The following AK5 variants were observed in gnomAD, a reference collection of about 807,000 sequenced individuals.
AK5 encodes the protein adenylate kinase 5.
AK5 carries 27 observed loss-of-function variants against 69.5 expected under a neutral mutation model. The observed-to-expected ratio is 0.39, with a 90% CI of 0.29 to 0.54. The LOEUF (loss-of-function observed/expected upper bound fraction) is 0.54. Ranked by LOEUF, AK5 falls within the 20% of genes least tolerant of loss-of-function variation. The probability of loss-of-function intolerance (pLI) is 0.71; values close to 1 mark genes in which losing one functional copy is unlikely to be tolerated. For missense variants in AK5, 531 were observed against 700.4 expected (o/e 0.76, Z 2.73); for synonymous variants, 260 against 244.4 (o/e 1.06, Z -0.60).
chr1:77,450,660 C>T (rs180946016), intron 8 of AK5, among the ~76,000 whole-genome samples: 33 of 152,302 alleles, frequency 2.2e-4, no homozygotes, highest in African/African-American at 7.9e-4. Context: ...AATAACTATC[C>T]TCAACAACCT....
intron 6 of AK5, among the ~76,000 whole-genome samples, chr1:77,376,454 A>AC (rs1327459270): frequency 2.1e-5 from 3 of 144,972 alleles, no homozygotes; most frequent in Admixed American, 7.2e-5. Context: ...AAAAAAACAA[A>AC]AAAAAAAAAC....
At chr1:77,371,173 T>C (rs761100768) in intron 6 of AK5, among the ~76,000 whole-genome samples, 4 of 152,194 alleles carry the variant, frequency 2.6e-5, no homozygotes, top group Non-Finnish European at 4.4e-5. Flanking sequence ...TAGGCTCTGA[T>C]TCATGGTAAT....
At chr1:77,289,010 C>T (rs753144048) in intron 2 of AK5, among the ~76,000 whole-genome samples, 1 of 152,006 alleles carries the variant, frequency 6.6e-6, no homozygotes, top group African/African-American at 2.4e-5. Context: ...TTTATTTGAC[C>T]CTTAGAAACC....
intron 8 of AK5, among the ~76,000 whole-genome samples, chr1:77,449,240 G>C (rs1225423544): frequency 1.3e-5 from 2 of 152,212 alleles, no homozygotes; most frequent in Non-Finnish European, 2.9e-5. Flanking sequence ...GGTATACCCT[G>C]CAAAGCCACA....
intron 8 of AK5, among the ~76,000 whole-genome samples, chr1:77,456,922 A>T (rs1304104196): frequency 1.4e-5 from 1 of 73,900 alleles, no homozygotes. Context: ...TAGTTTCCTT[A>T]AAAAAAAAAA....
intron 6 of AK5, among the ~76,000 whole-genome samples, chr1:77,385,116 T>C (rs924569806): frequency 3.9e-5 from 6 of 152,288 alleles, no homozygotes; most frequent in African/African-American, 1.4e-4. Flanking sequence ...TCTGACTTCA[T>C]GAAGGTAAAT....
At chr1:77,345,619 C>T (rs1661875844) in intron 6 of AK5, among the ~76,000 whole-genome samples, 1 of 152,192 alleles carries the variant, frequency 6.6e-6, no homozygotes, top group South Asian at 2.1e-4. Flanking sequence ...TCATCACAAA[C>T]CAGCATCAGT....
chr1:77,550,662 T>C (rs982654673), intron 13 of AK5, among the ~76,000 whole-genome samples: 1 of 152,234 alleles, frequency 6.6e-6, no homozygotes, highest in Non-Finnish European at 1.5e-5. Flanking sequence ...TTTAGTAAAT[T>C]GGTTCTTTTC....
chr1:77,403,419 T>G (rs1389839857), intron 6 of AK5, among the ~76,000 whole-genome samples: 3 of 152,254 alleles, frequency 2.0e-5, no homozygotes, highest in Admixed American at 1.3e-4. Flanking sequence ...CTAGGGTTTT[T>G]ATGGTTTTAG....
At chr1:77,479,257 T>C (rs958454738) in intron 8 of AK5, among the ~76,000 whole-genome samples, 1 of 138,346 alleles carries the variant, frequency 7.2e-6, no homozygotes, top group Non-Finnish European at 1.5e-5. Context: ...CAGGCTGGAG[T>C]GCAGTGGCAT....
chr1:77,408,111 T>C (rs971713246), intron 6 of AK5, among the ~76,000 whole-genome samples: 15 of 152,202 alleles, frequency 9.9e-5, no homozygotes, highest in African/African-American at 3.6e-4. Flanking sequence ...ATTTGTCTTT[T>C]TAGTAGAATG....
intron 12 of AK5, chr1:77,531,997 G>GCCGGCCGT (rs987405605): frequency 7.2e-6 from 1 of 138,632 alleles, no homozygotes; most frequent in Non-Finnish European, 1.7e-5. Flanking sequence ...CATCCGGCCG[G>GCCGGCCGT]CCGGCCGGCC....
chr1:77,396,088 A>C (rs1286506374), intron 6 of AK5, among the ~76,000 whole-genome samples: 2 of 152,212 alleles, frequency 1.3e-5, no homozygotes, highest in Non-Finnish European at 2.9e-5. Flanking sequence ...GATGGCAGGT[A>C]ATCTCTTTTT....
chr1:77,552,894 GC>G (rs961490190), intron 13 of AK5, among the ~76,000 whole-genome samples: 3 of 152,068 alleles, frequency 2.0e-5, no homozygotes, highest in African/African-American at 7.2e-5. Flanking sequence ...CAAAAAATTA[GC>G]TGGGCATGGG....
At chr1:77,438,175 G>A (rs770973734) in intron 8 of AK5, among the ~76,000 whole-genome samples, 13 of 151,142 alleles carry the variant, frequency 8.6e-5, no homozygotes, top group Non-Finnish European at 1.9e-4. Flanking sequence ...GCAAAATTAG[G>A]TTATTTTAAT....
intron 6 of AK5, among the ~76,000 whole-genome samples, chr1:77,376,464 CAT>C (rs1340480059): frequency 8.2e-5 from 7 of 85,262 alleles, no homozygotes; most frequent in South Asian, 3.9e-4. Flanking sequence ...AAAAAAAAAA[CAT>C]GTCTTACTTT....
chr1:77,378,324 A>G (rs1032762800), intron 6 of AK5, among the ~76,000 whole-genome samples: 1 of 152,130 alleles, frequency 6.6e-6, no homozygotes, highest in African/African-American at 2.4e-5. Flanking sequence ...GAAACAGTAT[A>G]ATAGTATTTT....
intron 6 of AK5, among the ~76,000 whole-genome samples, chr1:77,357,951 C>T (rs959376427): frequency 4.7e-5 from 7 of 149,556 alleles, no homozygotes; most frequent in African/African-American, 1.7e-4. Context: ...ATCTAAAAAT[C>T]TTACAGTTCC....
chr1:77,346,745 A>T (rs1570417377), intron 6 of AK5, among the ~76,000 whole-genome samples: 1 of 151,912 alleles, frequency 6.6e-6, no homozygotes, highest in Admixed American at 6.6e-5. Flanking sequence ...CAATCCACCC[A>T]CCTCAGCCTC....
Sources: allele counts gnomAD v4.1 joint callset (sites outside exome capture counted in the v4.1 genomes callset), GRCh38; gene constraint gnomAD v4.1.1; transcripts MANE v1.5; gene names NCBI Gene and HGNC (gene_info 2026-07-23, HGNC 2026-07-21).